The following SIK3 variants were observed in gnomAD, a reference collection of about 807,000 sequenced individuals.
SIK3 encodes SIK family kinase 3.
A neutral mutation model predicts 144.2 loss-of-function variants in SIK3; 28 were observed. The observed-to-expected ratio is 0.19, with a 90% CI of 0.14 to 0.27. The LOEUF is 0.27. Among genes scored for constraint, SIK3 ranks in the 10% least tolerant of loss-of-function variants. The probability of loss-of-function intolerance (pLI) is 1.00; values close to 1 mark genes in which losing one functional copy is unlikely to be tolerated. For missense variants in SIK3, 1,319 were observed against 1,776.0 expected (o/e 0.74, Z 4.62); for synonymous variants, 686 against 676.3 (o/e 1.01, Z -0.22).
chr11:116,898,052 C>T (rs1400255922), intron 4 of SIK3, among the ~76,000 whole-genome samples: 1 of 151,944 alleles, frequency 6.6e-6, no homozygotes, highest in Non-Finnish European at 1.5e-5. Context: ...TATACATGTG[C>T]CATGCTGGTG....
intron 3 of SIK3, among the ~76,000 whole-genome samples, chr11:116,948,243 G>A (rs1447050417): frequency 6.6e-6 from 1 of 151,548 alleles, no homozygotes; most frequent in Non-Finnish European, 1.5e-5. Flanking sequence ...CAGCTGATTT[G>A]TTGATGTATA....
intron 4 of SIK3, among the ~76,000 whole-genome samples, chr11:116,910,171 T>C (rs1365867336): frequency 1.3e-5 from 2 of 152,196 alleles, no homozygotes; most frequent in Non-Finnish European, 2.9e-5. Context: ...ACACTACATA[T>C]AATTTAAAAA....
At position 116,862,205 on chromosome 11, in the gene SIK3, A is replaced by C; in HGVS notation, c.2226T>G (p.Ile742Met). ...AAAGCAAAGAGTGAGGGCCTACTTGAATTTGTTGCTGGAGAATTTGATGGT... is the reference window on the plus strand; with the variant it reads ...AAAGCAAAGAGTGAGGGCCTACTTGCATTTGTTGCTGGAGAATTTGATGGT... The part of the protein sequence containing the change: ...EQHHQILQQQ[I>M]QDSICPPQPS... The change falls in exon 17 of 25, where the codon ATT (isoleucine) becomes ATG (methionine). Residue 742 changes from isoleucine to methionine, a missense_variant. By Grantham distance (10) the Ile-to-Met change is conservative. This residue lies in a region of SIK3 where 77 missense variants were observed against 141.9 expected (regional missense o/e 0.54). Coordinates refer to ENST00000445177, the MANE Select transcript of SIK3 (RefSeq NM_001366686.3). 6.2e-7 allele frequency: 1 copy of C among 1,614,146 alleles called. No homozygotes were observed. Among genetic ancestry groups the C allele is most frequent in the Non-Finnish European group, 8.5e-7 (1 of 1,180,024 alleles).
chr11:116,845,676 G>C (rs1196964855), intron 24 of SIK3, 47 bp from the exon 25 acceptor site: 5 of 152,228 alleles, frequency 3.3e-5, no homozygotes, highest in Non-Finnish European at 1.5e-5. Flanking sequence ...AAAGAGAAAG[G>C]CTCAAATATT....
In SIK3 at chr11:117,097,375, G is replaced by A. The variant is rs1355689162; in HGVS notation, c.273+768C>T. Among the ~76,000 whole-genome samples, 58 of 151,534 alleles carry A rather than the reference G, an allele frequency of 3.8e-4. 1 individual carries two copies. The highest frequency in any genetic ancestry group is 1.5e-5 in the Non-Finnish European group (1 of 67,924). ...AACAACTAAAAATAACCAGCAATCA[G>A]CTCTCCCAAATTGTTTAACCCCTGA... is the stretch of plus-strand genomic sequence containing the variant. On this transcript the variant is annotated intron_variant, in intron 1 of 24. Transcript: ENST00000445177.
intron 1 of SIK3, among the ~76,000 whole-genome samples, chr11:116,992,323 C>A (rs934106015): frequency 1.4e-5 from 2 of 145,316 alleles, no homozygotes; most frequent in Non-Finnish European, 3.0e-5. Flanking sequence ...AGACCCCCCC[C>A]CCCAAAAAAA....
At chr11:117,076,164 TA>T (rs1363892693) in intron 1 of SIK3, among the ~76,000 whole-genome samples, 11 of 152,038 alleles carry the variant, frequency 7.2e-5, no homozygotes, top group Non-Finnish European at 4.4e-5. Context: ...CTGATACTCG[TA>T]AAACTTACCG....
chr11:116,909,783 G>A (rs1455632514), intron 4 of SIK3, among the ~76,000 whole-genome samples: 1 of 152,092 alleles, frequency 6.6e-6, no homozygotes, highest in Non-Finnish European at 1.5e-5. Flanking sequence ...GAACAGAGAG[G>A]GTGGGAGAAA....
At chr11:116,850,615 G>T (rs1441710852) in intron 21 of SIK3, among the ~76,000 whole-genome samples, 1 of 152,152 alleles carries the variant, frequency 6.6e-6, no homozygotes, top group African/African-American at 2.4e-5. Flanking sequence ...ATTCACATTA[G>T]ACTATAAATT....
intron 1 of SIK3, among the ~76,000 whole-genome samples, chr11:116,976,356 T>A (rs756167637): frequency 6.6e-6 from 1 of 152,252 alleles, no homozygotes; most frequent in Non-Finnish European, 1.5e-5. Flanking sequence ...TAAAACTCTA[T>A]GAAAACTCTT....
intron 1 of SIK3, among the ~76,000 whole-genome samples, chr11:117,022,755 C>T (rs748198128): frequency 3.3e-5 from 5 of 151,560 alleles, no homozygotes; most frequent in Admixed American, 3.3e-4. Flanking sequence ...TATAACCACA[C>T]GGCCTAAATT....
chr11:116,883,715 C>T (rs1944666243), intron 6 of SIK3, among the ~76,000 whole-genome samples: 1 of 152,168 alleles, frequency 6.6e-6, no homozygotes, highest in Non-Finnish European at 1.5e-5. Flanking sequence ...AGGCAGATCA[C>T]TTGAGGCCAG....
chr11:117,066,290 A>G (rs1307675828), intron 1 of SIK3, among the ~76,000 whole-genome samples: 1 of 150,516 alleles, frequency 6.6e-6, no homozygotes, highest in African/African-American at 2.4e-5. Flanking sequence ...CTGGTCTCAA[A>G]CTCCTGACCT....
intron 3 of SIK3, among the ~76,000 whole-genome samples, chr11:116,944,321 T>C (rs2135301568): frequency 6.6e-6 from 1 of 152,216 alleles, no homozygotes; most frequent in Admixed American, 6.5e-5. Flanking sequence ...TCTAATAACA[T>C]GATTTAGGCT....
chr11:116,998,006 C>T (rs1950725991), intron 1 of SIK3, among the ~76,000 whole-genome samples: 1 of 152,104 alleles, frequency 6.6e-6, no homozygotes, highest in South Asian at 2.1e-4. Context: ...ACTACAGGTG[C>T]ACACCACCCA....
In SIK3 at chr11:117,013,972, C is replaced by CTTTTTTTTTTTTTTTTTTTTTTT. The variant is rs71037442; in HGVS notation, c.274-56909_274-56908insAAAAAAAAAAAAAAAAAAAAAAA. Among the ~76,000 whole-genome samples the CTTTTTTTTTTTTTTTTTTTTTTT allele has an allele frequency of 1.4e-3, 37 of 27,056 alleles. 12 individuals are homozygous for CTTTTTTTTTTTTTTTTTTTTTTT. Among genetic ancestry groups the CTTTTTTTTTTTTTTTTTTTTTTT allele is most frequent in the East Asian group, 5.4e-3 (4 of 734 alleles). 17.7% of individuals were successfully genotyped at this position (27,056 alleles called of 152,430 possible). On this transcript the variant is annotated intron_variant, in intron 1 of 24. Transcript: ENST00000445177. Reference sequence around the variant, plus strand: ...TGTGTTTTATTTCTTTTTTTCTTTTCTTTTTTTTTTTTTTTTTTTTTTGAG... The same window carrying CTTTTTTTTTTTTTTTTTTTTTTT: ...TGTGTTTTATTTCTTTTTTTCTTTTCTTTTTTTTTTTTTTTTTTTTTTTTTTTTTTTTTTTTTTTTTTTTTGAG...
chr11:116,935,933 C>G (rs1947892681), intron 3 of SIK3, among the ~76,000 whole-genome samples: 1 of 152,096 alleles, frequency 6.6e-6, no homozygotes, highest in Non-Finnish European at 1.5e-5. Context: ...GCTCCAAACT[C>G]CTGTTTTCAA....
intron 3 of SIK3, among the ~76,000 whole-genome samples, chr11:116,939,398 G>A (rs764182092): frequency 2.6e-5 from 4 of 152,232 alleles, no homozygotes; most frequent in African/African-American, 4.8e-5. Flanking sequence ...CACCTGCCTC[G>A]GCCTCCCAAA....
chr11:117,029,156 A>G (rs1346911479), intron 1 of SIK3, among the ~76,000 whole-genome samples: 1 of 152,088 alleles, frequency 6.6e-6, no homozygotes, highest in Non-Finnish European at 1.5e-5. Flanking sequence ...TGATCCGCCA[A>G]CCTCGGTCTC....
Sources: allele counts gnomAD v4.1 joint callset (sites outside exome capture counted in the v4.1 genomes callset), GRCh38; gene constraint gnomAD v4.1.1; regional missense constraint gnomAD v4.1.1; transcripts MANE v1.5; gene names NCBI Gene and HGNC (gene_info 2026-07-23, HGNC 2026-07-21).